The following SPAG9 variants were observed in gnomAD, a reference collection of about 807,000 sequenced individuals.
SPAG9 encodes the protein sperm associated antigen 9, also known as C-Jun-amino-terminal kinase-interacting protein 4.
Under a neutral mutation model 166.5 loss-of-function variants are expected in SPAG9, and 35 were observed. The ratio of observed to expected loss-of-function variants is 0.21; its 90% CI spans 0.16 to 0.28. The LOEUF is 0.28. Among genes scored for constraint, SPAG9 ranks in the 10% least tolerant of loss-of-function variants. The pLI is 1.00. For missense variants in SPAG9, 1,235 were observed against 1,603.3 expected, an observed-to-expected ratio of 0.77 and a Z score of 3.92; for synonymous variants, 534 against 565.5, an observed-to-expected ratio of 0.94 and a Z score of 0.79.
chr17:51,030,416 A>T lies in SPAG9; in HGVS notation c.783+1265T>A, dbSNP rs373199048. Among the ~76,000 whole-genome samples, 6 of 152,338 alleles carry T rather than the reference A, an allele frequency of 3.9e-5. No individual in the cohort carries two copies. In the South Asian group the frequency reaches 1.2e-3, roughly 32 times the overall value. ...CAAATGAAAATAAAGACAAAACTAC[A>T]AACAAGTAACTAGCCCCACATAGGA... On this transcript the variant is annotated intron_variant, in intron 6 of 29. Transcript: ENST00000262013.
intron 3 of SPAG9, among the ~76,000 whole-genome samples, chr17:51,053,945 A>T (rs1260927474): frequency 7.2e-6 from 1 of 139,064 alleles, no homozygotes; most frequent in African/African-American, 2.6e-5. Context: ...AGTACTACTT[A>T]AGCAAACAGT....
chr17:51,073,975 G>A (rs1237489432), intron 2 of SPAG9, among the ~76,000 whole-genome samples: 6 of 152,158 alleles, frequency 3.9e-5, no homozygotes, highest in African/African-American at 1.4e-4. Flanking sequence ...GGTGGCTCAC[G>A]CCTGTAATCC....
intron 1 of SPAG9, among the ~76,000 whole-genome samples, chr17:51,104,006 A>C (rs2048874290): frequency 6.6e-6 from 1 of 152,198 alleles, no homozygotes; most frequent in Admixed American, 6.6e-5. Flanking sequence ...GAAAGTAATG[A>C]GATTCCAGCA....
chr17:51,030,761 G>C (rs2046353631), intron 6 of SPAG9, among the ~76,000 whole-genome samples: 2 of 152,152 alleles, frequency 1.3e-5, no homozygotes, highest in South Asian at 4.1e-4. Context: ...TCCTAACTCT[G>C]AGTATATTTC....
chr17:51,061,840 T>A (rs981685784), intron 2 of SPAG9, among the ~76,000 whole-genome samples: 4 of 152,260 alleles, frequency 2.6e-5, no homozygotes, highest in Admixed American at 2.6e-4. Flanking sequence ...TTCACAGCTT[T>A]CTAACCCATC....
intron 8 of SPAG9, among the ~76,000 whole-genome samples, chr17:51,016,919 A>C (rs934753019): frequency 6.6e-6 from 1 of 152,264 alleles, no homozygotes; most frequent in African/African-American, 2.4e-5. Flanking sequence ...GAAAAAAATA[A>C]AAAAATAAAT....
At chr17:51,116,514 A>T (rs1421806978) in intron 1 of SPAG9, among the ~76,000 whole-genome samples, 1 of 152,172 alleles carries the variant, frequency 6.6e-6, no homozygotes, top group Non-Finnish European at 1.5e-5. Context: ...GTAAGTCCCA[A>T]CACTTTGGCA....
At position 50,964,372 on chromosome 17, in the gene SPAG9, G is replaced by C. The variant is rs556979320; in HGVS notation, c.*1900C>G. On this transcript the variant is annotated 3_prime_UTR_variant, in exon 30 of 30. Coordinates refer to ENST00000262013, the MANE Select transcript of SPAG9 (RefSeq NM_001130528.3). ...GGAGGCCAAGGCGGGTAGATCATCT[G>C]AGGTCAGGAGTTTGAGACCAGCCTG... 1 of 152,746 alleles carries C rather than the reference G, an allele frequency of 6.5e-6. No homozygotes were observed. The highest frequency in any genetic ancestry group is 6.5e-5 in the Admixed American group (1 of 15,296). 9.5% of individuals were successfully genotyped at this position (152,746 alleles called of 1,614,324 possible). A position where few individuals can be genotyped will look rare whatever the true frequency, so the allele number is the denominator to read the frequency against.
chr17:50,969,986 T>A (rs1000893607), intron 29 of SPAG9, among the ~76,000 whole-genome samples: 3 of 152,222 alleles, frequency 2.0e-5, no homozygotes, highest in African/African-American at 7.2e-5. Flanking sequence ...AGTTTAAGAA[T>A]GACAGGTACA....
intron 1 of SPAG9, among the ~76,000 whole-genome samples, chr17:51,094,098 C>G (rs534114176): frequency 2.4e-4 from 37 of 152,302 alleles, no homozygotes; most frequent in Middle Eastern, 3.4e-3. Context: ...TACCACTCCA[C>G]CAGCCACACC....
chr17:51,075,315 A>C (rs1411849070), intron 2 of SPAG9, among the ~76,000 whole-genome samples: 6 of 152,022 alleles, frequency 3.9e-5, no homozygotes, highest in African/African-American at 1.4e-4. Context: ...TAAAAGGGCT[A>C]ATGTATGTGA....
intron 2 of SPAG9, among the ~76,000 whole-genome samples, chr17:51,070,049 A>T (rs73986891): frequency 0.048 from 7,260 of 151,212 alleles, 517 homozygotes; most frequent in African/African-American, 0.16. Context: ...TCACTTAAAC[A>T]CAGGAATTAG....
rs1253720573 is a variant in SPAG9 at position 51,120,372 on chromosome 17, C to T, written c.285G>A (p.Leu95=). 6.2e-7 allele frequency: 1 copy of T among 1,600,128 alleles called. No individual in the cohort carries two copies. Among genetic ancestry groups the T allele is most frequent in the Non-Finnish European group, 8.5e-7 (1 of 1,174,634 alleles). The change falls in exon 1 of 30, where the codon CTG becomes CTA. Residue 95 remains leucine (L), a synonymous_variant. Transcript: ENST00000262013. This position sits in a 1 kb window ranked among gnomAD's most constrained non-coding sequence, Gnocchi z 4.7. ...LITQYEREKA[L]RKHAEEKFIE... ...GCCTCACCTCCTCAGCGTGCTTGCGCAGCGCCTTCTCCCGCTCGTACTGGG... is the reference window on the plus strand; with the variant it reads ...GCCTCACCTCCTCAGCGTGCTTGCGTAGCGCCTTCTCCCGCTCGTACTGGG...
chr17:51,097,439 G>A (rs1011673011), intron 1 of SPAG9, among the ~76,000 whole-genome samples: 5 of 152,026 alleles, frequency 3.3e-5, no homozygotes, highest in African/African-American at 9.7e-5. Context: ...CCAGTGATTC[G>A]GAGGCTGAGG....
intron 1 of SPAG9, among the ~76,000 whole-genome samples, chr17:51,102,106 T>C (rs2048823103): frequency 6.6e-6 from 1 of 152,094 alleles, no homozygotes; most frequent in Non-Finnish European, 1.5e-5. Context: ...ACATGGGCCA[T>C]GCACAGTGGC....
At position 50,996,664 on chromosome 17, in the gene SPAG9, T is replaced by C. The variant is rs1281403200; in HGVS notation, c.1869A>G (p.Glu623=). The change falls in exon 16 of 30, where the codon GAA becomes GAG. Residue 623 remains glutamate, a synonymous_variant. Transcript: ENST00000262013. ...ETEASLASRR[E]QKREQYRQVK... is the part of the protein sequence containing the mutation. ...CCTGACGATACTGCTCTCTCTTTTGTTCTCTGCGTGAGGCTAAACTAGCTT... is the reference window on the plus strand; with the variant it reads ...CCTGACGATACTGCTCTCTCTTTTGCTCTCTGCGTGAGGCTAAACTAGCTT... 6.2e-7 allele frequency: 1 copy of C among 1,614,194 alleles called. No individual in the cohort carries two copies. The highest frequency in any genetic ancestry group is 8.5e-7 in the Non-Finnish European group (1 of 1,180,030).
chr17:51,115,299 C>T (rs1327947551), intron 1 of SPAG9, among the ~76,000 whole-genome samples: 2 of 152,102 alleles, frequency 1.3e-5, no homozygotes, highest in South Asian at 4.1e-4. Flanking sequence ...AGTGATCCTC[C>T]TGCCTTAGCC....
intron 5 of SPAG9, among the ~76,000 whole-genome samples, chr17:51,037,584 G>A (rs1404670760): frequency 6.8e-6 from 1 of 147,848 alleles, no homozygotes; most frequent in Non-Finnish European, 1.5e-5. Flanking sequence ...TTGCACTCCA[G>A]CCTGGGGGAC....
At chr17:51,043,084 T>TTCA (rs1308930584) in intron 4 of SPAG9, among the ~76,000 whole-genome samples, 1 of 152,116 alleles carries the variant, frequency 6.6e-6, no homozygotes, top group Admixed American at 6.6e-5. Flanking sequence ...GAGACAAGGT[T>TTCA]TCACCATGTT....
Sources: gnomAD v4.1 joint callset for allele counts (sites outside exome capture counted in the v4.1 genomes callset) on GRCh38, gnomAD v4.1.1 for gene constraint, Gnocchi (gnomAD v3.1) non-coding constraint, MANE v1.5 for transcripts, NCBI Gene and HGNC (gene_info 2026-07-23, HGNC 2026-07-21) for gene names.